The following SLC8A1 variants were observed in gnomAD, a reference collection of about 807,000 sequenced individuals.
SLC8A1 encodes solute carrier family 8 member A1.
Under a neutral mutation model 68.3 loss-of-function variants are expected in SLC8A1, and 18 were observed. That is an observed-to-expected ratio of 0.26 (90% confidence interval 0.18 to 0.39). The LOEUF is 0.39. Among genes scored for constraint, SLC8A1 ranks in the 10% least tolerant of loss-of-function variants. SLC8A1 has a pLI of 1.00. For missense variants in SLC8A1, 985 were observed against 1,156.7 expected (o/e 0.85, Z 2.15); for synonymous variants, 475 against 415.5 (o/e 1.14, Z -1.74).
chr2:40,167,820 C>T (rs1339391499), intron 4 of SLC8A1, among the ~76,000 whole-genome samples: 1 of 152,158 alleles, frequency 6.6e-6, no homozygotes, highest in Non-Finnish European at 1.5e-5. Context: ...TGTGTATAGA[C>T]CATGGACATT....
chr2:40,357,608 A>C (rs1184275706), intron 2 of SLC8A1, among the ~76,000 whole-genome samples: 1 of 152,084 alleles, frequency 6.6e-6, no homozygotes, highest in Non-Finnish European at 1.5e-5. Flanking sequence ...TGAAGGGAGC[A>C]GTAAACCACT....
intron 6 of SLC8A1, among the ~76,000 whole-genome samples, chr2:40,159,044 T>C (rs10175725): frequency 0.38 from 57,722 of 151,980 alleles, 13,008 homozygotes; most frequent in Middle Eastern, 0.55. Flanking sequence ...CATAAAACTA[T>C]GTGAATGAAC....
At chr2:40,265,982 C>T (rs191786779) in intron 2 of SLC8A1, among the ~76,000 whole-genome samples, 4 of 152,286 alleles carry the variant, frequency 2.6e-5, no homozygotes, top group Admixed American at 2.0e-4. Flanking sequence ...AAAAAAGCCA[C>T]ATTAATTTCC....
chr2:40,144,492 A>G (rs2042100662), intron 6 of SLC8A1, among the ~76,000 whole-genome samples: 1 of 152,158 alleles, frequency 6.6e-6, no homozygotes. Flanking sequence ...AAAGTAGAGG[A>G]GTTCAGTATC....
intron 6 of SLC8A1, among the ~76,000 whole-genome samples, chr2:40,149,243 T>TAAGTA (rs1188123802): frequency 6.6e-6 from 1 of 152,246 alleles, no homozygotes; most frequent in Non-Finnish European, 1.5e-5. Context: ...ATTTCTTTAG[T>TAAGTA]AAGTATTTAT....
chr2:40,233,035 C>T (rs925165181), intron 2 of SLC8A1, among the ~76,000 whole-genome samples: 266 of 151,708 alleles, frequency 1.8e-3, no homozygotes, highest in Middle Eastern at 3.4e-3. Flanking sequence ...TCTTTGCTAT[C>T]GTGAATAATG....
chr2:40,237,133 T>G (rs542618412), intron 2 of SLC8A1, among the ~76,000 whole-genome samples: 2,234 of 152,154 alleles, frequency 0.015, 59 homozygotes, highest in African/African-American at 0.05. Context: ...CTGTATTTCC[T>G]GAATCTGAAC....
At chr2:40,251,434 G>A (rs1473973498) in intron 2 of SLC8A1, 1 of 152,198 alleles carries the variant, frequency 6.6e-6, no homozygotes, top group African/African-American at 2.4e-5. Flanking sequence ...GGCAGAGAGG[G>A]AGAAATAACA....
rs1312246876 is a variant in SLC8A1, at chr2:40,204,475, A to G, written c.1809-26620T>C. Among the ~76,000 whole-genome samples the G allele has an allele frequency of 2.0e-5, 3 of 151,994 alleles. No homozygotes were observed. In the East Asian group the frequency reaches 5.8e-4, roughly 30 times the overall value. On this transcript the variant is annotated intron_variant, in intron 2 of 7. Coordinates refer to ENST00000406785, the Ensembl canonical transcript of SLC8A1. ...GACTACACATTTCTGCCCTTAGCTG[A>G]AAGAAAAACAACCATATGGACCTTG... is the stretch of plus-strand genomic sequence containing the variant.
At chr2:40,299,808 A>T (rs999798509) in intron 2 of SLC8A1, among the ~76,000 whole-genome samples, 1 of 152,196 alleles carries the variant, frequency 6.6e-6, no homozygotes, top group Admixed American at 6.5e-5. Flanking sequence ...TAGGACAGAA[A>T]CAAAGTGAAT....
intron 2 of SLC8A1, among the ~76,000 whole-genome samples, chr2:40,291,650 A>G (rs900585104): frequency 2.0e-5 from 3 of 152,170 alleles, no homozygotes; most frequent in African/African-American, 7.2e-5. Flanking sequence ...CTGCCAGTCC[A>G]GAGAAGTACT....
intron 2 of SLC8A1, among the ~76,000 whole-genome samples, chr2:40,318,735 G>A (rs890149272): frequency 1.3e-5 from 2 of 152,068 alleles, no homozygotes; most frequent in Non-Finnish European, 2.9e-5. Context: ...GATGAGGAAA[G>A]TATATGCATT....
At chr2:40,210,762 G>C (rs1277859833) in intron 2 of SLC8A1, among the ~76,000 whole-genome samples, 1 of 152,138 alleles carries the variant, frequency 6.6e-6, no homozygotes, top group African/African-American at 2.4e-5. Context: ...CTGACCTTTA[G>C]ATTCCCTACT....
intron 2 of SLC8A1, among the ~76,000 whole-genome samples, chr2:40,244,013 TG>T (rs1310952439): frequency 7.9e-5 from 12 of 151,254 alleles, no homozygotes; most frequent in African/African-American, 2.7e-4. Context: ...GTCTAGGGTC[TG>T]GGGGACAACG....
intron 2 of SLC8A1, among the ~76,000 whole-genome samples, chr2:40,379,498 T>C (rs1197338448): frequency 6.6e-6 from 1 of 152,116 alleles, no homozygotes; most frequent in Non-Finnish European, 1.5e-5. Flanking sequence ...GCATGGCAAA[T>C]GGTGCTTCTC....
intron 5 of SLC8A1, among the ~76,000 whole-genome samples, chr2:40,162,131 G>T (rs1417358419): frequency 6.6e-6 from 1 of 152,182 alleles, no homozygotes; most frequent in Non-Finnish European, 1.5e-5. Context: ...AGAATTGTAT[G>T]TCCTTAGGGT....
At chr2:40,486,425 G>A (rs1704971104) in intron 1 of SLC8A1, among the ~76,000 whole-genome samples, 1 of 152,054 alleles carries the variant, frequency 6.6e-6, no homozygotes, top group African/African-American at 2.4e-5. Flanking sequence ...ACTTATTTCA[G>A]CATGCCCTTG....
rs945039227 is a variant in SLC8A1 at position 40,417,602 on chromosome 2, C to T, written c.1808+10871G>A. 3.9e-5 allele frequency among the ~76,000 whole-genome samples: 6 copies of T among 152,122 alleles called. No homozygotes were observed. In the East Asian group the frequency reaches 7.7e-4, roughly 20 times the overall value. On this transcript the variant is annotated intron_variant, in intron 2 of 7. Transcript: ENST00000406785. ...CAGCTCACTGCAACCTAGACCTCTC[C>T]GGCTCAAGTGATCTTCCCACCTCAG...
chr2:40,418,036 T>C (rs1346579781), intron 2 of SLC8A1, among the ~76,000 whole-genome samples: 1 of 152,148 alleles, frequency 6.6e-6, no homozygotes, highest in Admixed American at 6.6e-5. Flanking sequence ...ACCAGGTCGA[T>C]TTAAAAGAAT....
Sources: allele counts gnomAD v4.1 joint callset (sites outside exome capture counted in the v4.1 genomes callset), GRCh38; gene constraint gnomAD v4.1.1; transcripts MANE v1.5; gene names NCBI Gene and HGNC (gene_info 2026-07-23, HGNC 2026-07-21).